HCN1: variants seen among roughly 807,000 people sequenced by gnomAD.
HCN1 encodes hyperpolarization activated cyclic nucleotide gated potassium channel 1, also known as potassium/sodium hyperpolarization-activated cyclic nucleotide-gated channel 1.
A neutral mutation model predicts 78.9 loss-of-function variants in HCN1; 13 were observed. That is an observed-to-expected ratio of 0.16 (90% CI 0.11 to 0.26). The LOEUF (loss-of-function observed/expected upper bound fraction) is 0.26, where lower values mean the gene tolerates loss of function less well. Ranked by LOEUF, HCN1 falls within the 10% of genes least tolerant of loss-of-function variation. HCN1 has a pLI of 1.00. For missense variants in HCN1, 810 were observed against 1,154.3 expected, an observed-to-expected ratio of 0.70 and a Z score of 4.32; for synonymous variants, 552 against 455.5, an observed-to-expected ratio of 1.21 and a Z score of -2.70.
chr5:45,609,517 A>T (rs1322254684), intron 2 of HCN1, among the ~76,000 whole-genome samples: 2 of 152,130 alleles, frequency 1.3e-5, no homozygotes, highest in Non-Finnish European at 1.5e-5. Context: ...AATGTGTATA[A>T]GTCTCTGGGC....
intron 6 of HCN1, among the ~76,000 whole-genome samples, chr5:45,300,362 A>G (rs1312216606): frequency 6.6e-6 from 1 of 152,006 alleles, no homozygotes; most frequent in African/African-American, 2.4e-5. Flanking sequence ...GCCACCCAAG[A>G]TAGTAAAAGT....
chr5:45,339,903 T>C (rs1746539253), intron 5 of HCN1, among the ~76,000 whole-genome samples: 1 of 151,864 alleles, frequency 6.6e-6, no homozygotes, highest in Non-Finnish European at 1.5e-5. Flanking sequence ...GGAAGAATAG[T>C]TTTTAATTTA....
Position 45,268,904 on chromosome 5 carries a change from T to C in HCN1, c.1619-1651A>G, listed in dbSNP as rs112393064. Among the ~76,000 whole-genome samples the C allele has an allele frequency of 9.4e-3, 1,434 of 152,274 alleles. 21 individuals are homozygous for C. The highest frequency in any genetic ancestry group is 0.033 in the African/African-American group (1,382 of 41,556). On this transcript the variant is annotated intron_variant, in intron 6 of 7. Coordinates refer to ENST00000303230, the MANE Select transcript of HCN1 (RefSeq NM_021072.4). ...AAACAAGGTAATTAAAAGAAGCATT[T>C]TGAATACTACTCCAAAATTAAATTC...
At chr5:45,651,996 G>A (rs1281986198) in intron 1 of HCN1, among the ~76,000 whole-genome samples, 1 of 151,904 alleles carries the variant, frequency 6.6e-6, no homozygotes, top group East Asian at 1.9e-4. Flanking sequence ...ATATTTAAAG[G>A]CATTTAGATG....
intron 5 of HCN1, among the ~76,000 whole-genome samples, chr5:45,341,566 G>T (rs545210972): frequency 1.3e-5 from 2 of 152,286 alleles, no homozygotes; most frequent in South Asian, 4.1e-4. Flanking sequence ...AATAATGGCT[G>T]CCAAGAGATG....
intron 5 of HCN1, among the ~76,000 whole-genome samples, chr5:45,310,445 T>C (rs975137947): frequency 1.3e-5 from 2 of 152,052 alleles, no homozygotes; most frequent in African/African-American, 4.8e-5. Flanking sequence ...TAAAGACATG[T>C]AAATCAAAAC....
chr5:45,363,586 G>T (rs1747168442), intron 4 of HCN1, among the ~76,000 whole-genome samples: 1 of 151,882 alleles, frequency 6.6e-6, no homozygotes, highest in African/African-American at 2.4e-5. Flanking sequence ...ATGGTGATAT[G>T]GTTTGGCTGT....
intron 3 of HCN1, among the ~76,000 whole-genome samples, chr5:45,429,368 G>A (rs946010965): frequency 5.9e-5 from 9 of 152,040 alleles, no homozygotes; most frequent in African/African-American, 1.4e-4. Flanking sequence ...CTTCTCAACC[G>A]GGGCTAGATA....
chr5:45,355,010 T>C (rs1746981171), intron 4 of HCN1, among the ~76,000 whole-genome samples: 1 of 152,124 alleles, frequency 6.6e-6, no homozygotes, highest in African/African-American at 2.4e-5. Flanking sequence ...TTAATCCCTT[T>C]GTAGCTAAGA....
At chr5:45,267,335 C>A in intron 6 of HCN1, 82 bp from the exon 7 acceptor site, 1 of 1,301,900 alleles carries the variant, frequency 7.7e-7, no homozygotes, top group East Asian at 2.3e-5. Flanking sequence ...CAACTTAAAA[C>A]AAGTCTCATG....
At chr5:45,429,716 G>C (rs1740424635) in intron 3 of HCN1, among the ~76,000 whole-genome samples, 1 of 152,188 alleles carries the variant, frequency 6.6e-6, no homozygotes, top group South Asian at 2.1e-4. Context: ...GCTTAAGAGT[G>C]AGTGGCTGTG....
At chr5:45,267,041 A>G in intron 7 of HCN1, 48 bp downstream of exon 7, 1 of 1,479,992 alleles carries the variant, frequency 6.8e-7, no homozygotes, top group Non-Finnish European at 9.5e-7. Flanking sequence ...AACCTGTATT[A>G]TGCCAGGAGA....
At chr5:45,678,289 G>A (rs1315456782) in intron 1 of HCN1, among the ~76,000 whole-genome samples, 1 of 151,698 alleles carries the variant, frequency 6.6e-6, no homozygotes, top group East Asian at 1.9e-4. Context: ...GAATTTCTTG[G>A]GCATCTGCCA....
chr5:45,332,857 A>G (rs1403713615), intron 5 of HCN1, among the ~76,000 whole-genome samples: 1 of 151,660 alleles, frequency 6.6e-6, no homozygotes, highest in African/African-American at 2.4e-5. Flanking sequence ...TTCATTTTGT[A>G]TAAGTATCAC....
intron 2 of HCN1, among the ~76,000 whole-genome samples, chr5:45,498,051 A>G (rs1441209428): frequency 1.3e-5 from 2 of 152,142 alleles, no homozygotes; most frequent in South Asian, 4.2e-4. Context: ...GGTGAATCTG[A>G]CAATTATGTG....
At chr5:45,541,189 A>G (rs551262439) in intron 2 of HCN1, among the ~76,000 whole-genome samples, 2 of 152,354 alleles carry the variant, frequency 1.3e-5, no homozygotes, top group Admixed American at 6.5e-5. Flanking sequence ...ATTAATGTAT[A>G]GAAACTAATG....
chr5:45,676,623 G>A lies in HCN1; in HGVS notation c.425+19046C>T, dbSNP rs980536871. Reference sequence around the variant, plus strand: ...GGAAGGAATCTGAAATAAAATACAGGAAAGAATAGAAGGTCTAAAATAACC... The same window carrying A: ...GGAAGGAATCTGAAATAAAATACAGAAAAGAATAGAAGGTCTAAAATAACC... On this transcript the variant is annotated intron_variant, in intron 1 of 7. Transcript: ENST00000303230. Among the ~76,000 whole-genome samples, 3 of 151,642 alleles carry A rather than the reference G, an allele frequency of 2.0e-5. No individual in the cohort carries two copies. The East Asian group carries it at 5.8e-4, about 29-fold the overall frequency.
At chr5:45,648,033 ACAG>A (rs1468608959) in intron 1 of HCN1, among the ~76,000 whole-genome samples, 3 of 152,250 alleles carry the variant, frequency 2.0e-5, no homozygotes, top group African/African-American at 7.2e-5. Flanking sequence ...GAAGATTATT[ACAG>A]AGCCAAATAT....
chr5:45,600,304 A>AT, intron 2 of HCN1, among the ~76,000 whole-genome samples: 1 of 152,094 alleles, frequency 6.6e-6, no homozygotes, highest in East Asian at 1.9e-4. Flanking sequence ...ACCCCAAAAT[A>AT]TTTTTCCTAC....
Sources: allele counts gnomAD v4.1 joint callset (sites outside exome capture counted in the v4.1 genomes callset), GRCh38; gene constraint gnomAD v4.1.1; transcripts MANE v1.5; gene names NCBI Gene and HGNC (gene_info 2026-07-23, HGNC 2026-07-21).